TBCK: variants seen among roughly 807,000 people sequenced by gnomAD.
TBCK encodes TBC1 domain containing kinase, also known as TBC domain-containing protein kinase-like protein.
TBCK carries 99 observed loss-of-function variants against 113.4 expected under a neutral mutation model. That is an observed-to-expected ratio of 0.87 (90% CI 0.74 to 1.03). TBCK has a LOEUF of 1.03. Ranked by LOEUF, TBCK falls within the 50% of genes least tolerant of loss-of-function variation. The pLI, the probability that TBCK is intolerant of heterozygous loss-of-function variation, is 0.00. For missense variants in TBCK, 1,045 were observed against 1,061.3 expected (o/e 0.98, Z 0.21); for synonymous variants, 369 against 370.8 (o/e 1.00, Z 0.05).
At chr4:106,213,016 C>T (rs1756349808) in intron 19 of TBCK, among the ~76,000 whole-genome samples, 181 bp from the exon 20 acceptor site, 1 of 152,070 alleles carries the variant, frequency 6.6e-6, no homozygotes, top group Non-Finnish European at 1.5e-5. Context: ...ACAAGCACAC[C>T]AACAAACTGT....
chr4:106,198,537 T>C (rs1754515991), intron 20 of TBCK, among the ~76,000 whole-genome samples: 1 of 152,070 alleles, frequency 6.6e-6, no homozygotes, highest in Non-Finnish European at 1.5e-5. Context: ...TCTACAAGAT[T>C]TTTCCAAGCC....
chr4:106,220,759 C>T (rs1757588395), intron 19 of TBCK, among the ~76,000 whole-genome samples: 1 of 152,148 alleles, frequency 6.6e-6, no homozygotes, highest in African/African-American at 2.4e-5. Flanking sequence ...AGTTATAGAT[C>T]AAAGTGAAGA....
intron 23 of TBCK, among the ~76,000 whole-genome samples, chr4:106,145,826 C>T (rs1004040285): frequency 3.3e-5 from 5 of 151,970 alleles, no homozygotes; most frequent in Non-Finnish European, 7.4e-5. Context: ...TAGAGAAATG[C>T]AAATCAAAAC....
At chr4:106,197,264 G>A (rs1754333396) in intron 20 of TBCK, among the ~76,000 whole-genome samples, 1 of 151,732 alleles carries the variant, frequency 6.6e-6, no homozygotes, top group East Asian at 1.9e-4. Context: ...GGAAGATTCT[G>A]CCAGAGAGAG....
intron 16 of TBCK, 96 bp from the exon 17 acceptor site, chr4:106,233,160 A>G: frequency 1.6e-6 from 2 of 1,233,532 alleles, no homozygotes; most frequent in South Asian, 1.6e-5. Flanking sequence ...AGGAGAAGCT[A>G]TAATATGAAT....
chr4:106,090,200 C>G (rs1445199582), intron 25 of TBCK, among the ~76,000 whole-genome samples: 2 of 152,238 alleles, frequency 1.3e-5, no homozygotes, highest in African/African-American at 4.8e-5. Context: ...GCAGGCTGAA[C>G]ATCACATGAA....
rs558625516 is a variant in TBCK, at chr4:106,205,793, C to A, written c.1860+6957G>T. On this transcript the variant is annotated intron_variant, in intron 20 of 25. Transcript: ENST00000394708. Reference sequence around the variant, plus strand: ...AAAACAACAAAAAAAACAAAAAAAACCACTGCTCTGAGAAGTTTAAGAAAC... The same window carrying A: ...AAAACAACAAAAAAAACAAAAAAAAACACTGCTCTGAGAAGTTTAAGAAAC... Among the ~76,000 whole-genome samples, 101 of 149,746 alleles carry A rather than the reference C, an allele frequency of 6.7e-4. 1 individual carries two copies. The highest frequency in any genetic ancestry group is 1.9e-3 in the African/African-American group (77 of 41,014).
intron 25 of TBCK, among the ~76,000 whole-genome samples, chr4:106,068,595 G>A (rs576643763): frequency 1.3e-5 from 2 of 152,250 alleles, no homozygotes; most frequent in Admixed American, 6.5e-5. Flanking sequence ...TGTGAATAGT[G>A]CCACAATAAA....
chr4:106,184,009 T>C (rs1752719901), intron 22 of TBCK, among the ~76,000 whole-genome samples: 1 of 152,050 alleles, frequency 6.6e-6, no homozygotes, highest in Non-Finnish European at 1.5e-5. Context: ...AAGAGCATTA[T>C]AATTCTCCCT....
At chr4:106,200,026 T>C (rs992050094) in intron 20 of TBCK, among the ~76,000 whole-genome samples, 4 of 152,196 alleles carry the variant, frequency 2.6e-5, no homozygotes, top group Non-Finnish European at 5.9e-5. Flanking sequence ...AACAAAACTA[T>C]GTAATATGGC....
chr4:106,192,886 C>T (rs1173238622), intron 22 of TBCK, among the ~76,000 whole-genome samples: 1 of 152,048 alleles, frequency 6.6e-6, no homozygotes, highest in Non-Finnish European at 1.5e-5. Context: ...GAGAACAGCA[C>T]AAGGGATGCT....
chr4:106,159,381 T>C (rs1749491672), intron 23 of TBCK, among the ~76,000 whole-genome samples: 1 of 151,930 alleles, frequency 6.6e-6, no homozygotes, highest in Non-Finnish European at 1.5e-5. Context: ...ATCTAAAAAA[T>C]ACCCTAAACA....
chr4:106,126,042 T>C (rs977324066), intron 23 of TBCK, among the ~76,000 whole-genome samples: 2 of 152,242 alleles, frequency 1.3e-5, no homozygotes, highest in South Asian at 4.1e-4. Flanking sequence ...TTGTCCCTTA[T>C]GCTTTAGCAT....
chr4:106,244,454 G>C (rs1466534548), intron 11 of TBCK, among the ~76,000 whole-genome samples, 172 bp downstream of exon 11: 1 of 151,694 alleles, frequency 6.6e-6, no homozygotes. Context: ...AATCAAACAA[G>C]GTGTTGATTC....
intron 24 of TBCK, among the ~76,000 whole-genome samples, chr4:106,107,528 C>T (rs11939464): frequency 0.011 from 1,721 of 152,192 alleles, 31 homozygotes; most frequent in African/African-American, 0.039. Context: ...AACATGCTCC[C>T]GATTGACTTT....
chr4:106,191,940 C>G (rs1753716235), intron 22 of TBCK, among the ~76,000 whole-genome samples: 2 of 152,066 alleles, frequency 1.3e-5, no homozygotes, highest in Non-Finnish European at 2.9e-5. Flanking sequence ...CTAAAACAAG[C>G]AAGATAACAT....
rs1203345479 is a variant in TBCK, at chr4:106,045,298, C to G, written c.*1272G>C. 6.6e-6 allele frequency: 1 copy of G among 152,018 alleles called. No individual in the cohort carries two copies. Among genetic ancestry groups the G allele is most frequent in the Non-Finnish European group, 1.5e-5 (1 of 68,008 alleles). 9.4% of individuals were successfully genotyped at this position (152,018 alleles called of 1,614,324 possible). A position where few individuals can be genotyped will look rare whatever the true frequency, so the allele number is the denominator to read the frequency against. Reference sequence around the variant, plus strand: ...GGTCTCAAACTCCTGACCTCGGCCTCCCAGGGAATGTGTCTTTTAATTGAC... The same window carrying G: ...GGTCTCAAACTCCTGACCTCGGCCTGCCAGGGAATGTGTCTTTTAATTGAC... On this transcript the variant is annotated 3_prime_UTR_variant, in exon 26 of 26. Coordinates refer to ENST00000394708, the MANE Select transcript of TBCK (RefSeq NM_001163435.3).
chr4:106,048,067 G>A (rs1734411691), intron 25 of TBCK, among the ~76,000 whole-genome samples: 1 of 152,138 alleles, frequency 6.6e-6, no homozygotes, highest in African/African-American at 2.4e-5. Context: ...GCCAGGACAA[G>A]TTCAAGGCCT....
intron 3 of TBCK, among the ~76,000 whole-genome samples, chr4:106,267,783 T>A (rs1442055911): frequency 6.6e-6 from 1 of 152,006 alleles, no homozygotes; most frequent in Admixed American, 6.6e-5. Flanking sequence ...TATATTTTTT[T>A]ATCCCTTTCC....
Sources: gnomAD v4.1 joint callset for allele counts (sites outside exome capture counted in the v4.1 genomes callset) on GRCh38, gnomAD v4.1.1 for gene constraint, MANE v1.5 for transcripts, NCBI Gene and HGNC (gene_info 2026-07-23, HGNC 2026-07-21) for gene names.